The following IPO7 variants were observed in gnomAD, a reference collection of about 807,000 sequenced individuals.
The protein encoded by IPO7 is importin-7.
A neutral mutation model predicts 136.4 loss-of-function variants in IPO7; 13 were observed. The observed-to-expected ratio is 0.10, with a 90% CI of 0.06 to 0.15. The LOEUF is 0.15. IPO7 is among the 10% of genes least tolerant of loss of function. The pLI, the probability that IPO7 is intolerant of heterozygous loss-of-function variation, is 1.00. For synonymous variants in IPO7, 403 were observed against 404.4 expected, an observed-to-expected ratio of 1.00 and a Z score of 0.04; for missense variants, 857 against 1,240.6, an observed-to-expected ratio of 0.69 and a Z score of 4.65.
At position 9,409,992 on chromosome 11, in the gene IPO7, A is replaced by C; in HGVS notation, c.385A>C (p.Ile129Leu). The change falls in exon 4 of 25, where the codon ATT (isoleucine) becomes CTT (leucine). Residue 129 changes from isoleucine (I) to leucine (L), a missense_variant. Coordinates refer to ENST00000379719, the MANE Select transcript of IPO7 (RefSeq NM_006391.3). The stretch of plus-strand genomic sequence containing the variant: ...TGATTATCCAAGCCGCTGGACTGCC[A>C]TTGTGGACAAAATTGGCTTTTATCT... ...KHDYPSRWTA[I>L]VDKIGFYLQS... The C allele has an allele frequency of 6.2e-7, 1 of 1,608,822 alleles. No individual in the cohort carries two copies. The highest frequency in any genetic ancestry group is 8.5e-7 in the Non-Finnish European group (1 of 1,177,744).
intron 4 of IPO7, among the ~76,000 whole-genome samples, chr11:9,413,798 T>A (rs1855001740): frequency 6.6e-6 from 1 of 151,992 alleles, no homozygotes; most frequent in Non-Finnish European, 1.5e-5. Flanking sequence ...TAGGAAGTAT[T>A]TGATTATATT....
intron 1 of IPO7, among the ~76,000 whole-genome samples, chr11:9,401,530 A>G (rs1854795753): frequency 6.6e-6 from 1 of 150,648 alleles, no homozygotes; most frequent in Non-Finnish European, 1.5e-5. Flanking sequence ...CCTGATACCT[A>G]ACAACAATGG....
In IPO7 at chr11:9,428,556, A is replaced by T; in HGVS notation, c.1352A>T (p.Asp451Val). The T allele has an allele frequency of 6.6e-7, 1 of 1,509,322 alleles. No individual in the cohort carries two copies. The highest frequency in any genetic ancestry group is 1.2e-5 in the South Asian group (1 of 86,348). 93.5% of individuals were successfully genotyped at this position (1,509,322 alleles called of 1,614,324 possible). A position where few individuals can be genotyped will look rare whatever the true frequency, so the allele number is the denominator to read the frequency against. ...EILLKKKIYK[D>V]QMEYMLQNHV... ...TATTTACAGAAAAAGATCTATAAAGATCAGATGGAATACATGTTGCAGAAT... is the reference window on the plus strand; with the variant it reads ...TATTTACAGAAAAAGATCTATAAAGTTCAGATGGAATACATGTTGCAGAAT... Residue 451 changes from aspartate (D) to valine (V), a missense_variant, in exon 13 of 25, where the codon GAT (aspartate) becomes GTT (valine). Asp to Val is a radical substitution (Grantham distance 152, BLOSUM62 -3). Coordinates refer to ENST00000379719, the MANE Select transcript of IPO7 (RefSeq NM_006391.3).
At chr11:9,403,197 C>T in intron 1 of IPO7, 93 bp from the exon 2 acceptor site, 1 of 825,050 alleles carries the variant, frequency 1.2e-6, no homozygotes, top group Non-Finnish European at 2.0e-6. Flanking sequence ...TTTGTGCAAG[C>T]CAAGCAATGG....
At chr11:9,389,816 A>T (rs983542683) in intron 1 of IPO7, among the ~76,000 whole-genome samples, 10 of 150,524 alleles carry the variant, frequency 6.6e-5, no homozygotes, top group Admixed American at 5.3e-4. Flanking sequence ...GCTAGAGTGC[A>T]TTGGTGCCAT....
At chr11:9,426,986 C>G (rs569332208) in intron 12 of IPO7, among the ~76,000 whole-genome samples, 2 of 151,794 alleles carry the variant, frequency 1.3e-5, no homozygotes, top group African/African-American at 4.8e-5. Flanking sequence ...TCAAGTGATT[C>G]TCATGCCTCA....
At chr11:9,409,448 C>T (rs1272910778) in intron 3 of IPO7, among the ~76,000 whole-genome samples, 1 of 151,880 alleles carries the variant, frequency 6.6e-6, no homozygotes, top group African/African-American at 2.4e-5. Flanking sequence ...TTCACATTGA[C>T]GAAACCAAAA....
intron 16 of IPO7, among the ~76,000 whole-genome samples, chr11:9,432,832 A>C (rs982203555): frequency 6.6e-6 from 1 of 152,142 alleles, no homozygotes; most frequent in Non-Finnish European, 1.5e-5. Flanking sequence ...ATCTAATAAA[A>C]TTTGAAAAAC....
chr11:9,404,502 C>T (rs1190423438), intron 2 of IPO7, among the ~76,000 whole-genome samples: 1 of 151,596 alleles, frequency 6.6e-6, no homozygotes, highest in Non-Finnish European at 1.5e-5. Context: ...ATTGTTTTCT[C>T]ACTTCACTTA....
chr11:9,407,094 T>A (rs1405115979), intron 2 of IPO7, among the ~76,000 whole-genome samples: 2 of 152,216 alleles, frequency 1.3e-5, no homozygotes, highest in Non-Finnish European at 2.9e-5. Flanking sequence ...CACATAAGCA[T>A]ATATTCCATT....
At chr11:9,387,150 G>A (rs1162621327) in intron 1 of IPO7, among the ~76,000 whole-genome samples, 2 of 152,146 alleles carry the variant, frequency 1.3e-5, no homozygotes, top group East Asian at 1.9e-4. Flanking sequence ...ATAGAAGAAC[G>A]AATTATTCTA....
At chr11:9,424,433 A>G (rs566711203) in intron 10 of IPO7, among the ~76,000 whole-genome samples, 6 of 152,296 alleles carry the variant, frequency 3.9e-5, no homozygotes, top group Non-Finnish European at 8.8e-5. Context: ...ATTAGGAGGA[A>G]TTCATGGATT....
intron 1 of IPO7, among the ~76,000 whole-genome samples, chr11:9,395,776 G>A (rs1854699543): frequency 6.6e-6 from 1 of 152,052 alleles, no homozygotes; most frequent in African/African-American, 2.4e-5. Context: ...AAGTGCAATG[G>A]CGCAATCTCG....
chr11:9,394,970 T>C (rs558875494), intron 1 of IPO7, among the ~76,000 whole-genome samples: 12 of 152,320 alleles, frequency 7.9e-5, no homozygotes, highest in African/African-American at 2.9e-4. Flanking sequence ...TTAGCCCTAA[T>C]TAATGATGTA....
At chr11:9,402,271 G>T (rs574160302) in intron 1 of IPO7, among the ~76,000 whole-genome samples, 1 of 150,694 alleles carries the variant, frequency 6.6e-6, no homozygotes, top group Non-Finnish European at 1.5e-5. Context: ...ATGGTGGCAC[G>T]TGCCTGTAGT....
intron 8 of IPO7, among the ~76,000 whole-genome samples, chr11:9,422,134 C>T (rs1010886657): frequency 1.3e-5 from 2 of 151,978 alleles, no homozygotes; most frequent in African/African-American, 4.8e-5. Flanking sequence ...ACAAAATCAG[C>T]CAGGTGTGGT....
At chr11:9,411,234 T>A (rs1162969638) in intron 4 of IPO7, among the ~76,000 whole-genome samples, 1 of 152,200 alleles carries the variant, frequency 6.6e-6, no homozygotes, top group African/African-American at 2.4e-5. Context: ...GCTACATCAT[T>A]GGAATTCAGT....
At chr11:9,422,349 T>C (rs985354110) in intron 8 of IPO7, among the ~76,000 whole-genome samples, 2 of 152,106 alleles carry the variant, frequency 1.3e-5, no homozygotes, top group Admixed American at 6.5e-5. Context: ...CATCAGAACA[T>C]TTAACACCAT....
intron 1 of IPO7, among the ~76,000 whole-genome samples, chr11:9,402,399 CAAAAAAAAAAAA>C (rs71062846): frequency 2.0e-4 from 9 of 44,896 alleles, no homozygotes; most frequent in African/African-American, 9.6e-4. Flanking sequence ...GACTGTGTCT[CAAAAAAAAAAAA>C]AAAAAAAAAA....
Sources: allele counts gnomAD v4.1 joint callset (sites outside exome capture counted in the v4.1 genomes callset), GRCh38; gene constraint gnomAD v4.1.1; transcripts MANE v1.5; gene names NCBI Gene and HGNC (gene_info 2026-07-23, HGNC 2026-07-21).